PRKCH: variants seen among roughly 807,000 people sequenced by gnomAD.
PRKCH encodes protein kinase C eta type.
In PRKCH, 28 loss-of-function variants were observed where a neutral mutation model predicts 82.5. The ratio of observed to expected loss-of-function variants is 0.34; its 90% CI spans 0.25 to 0.47. The LOEUF (loss-of-function observed/expected upper bound fraction) is 0.47. PRKCH is among the 20% of genes least tolerant of loss of function. The probability of loss-of-function intolerance (pLI) is 1.00; values close to 1 mark genes in which losing one functional copy is unlikely to be tolerated. For missense variants in PRKCH, 705 were observed against 881.8 expected (o/e 0.80, Z 2.54); for synonymous variants, 322 against 327.4 (o/e 0.98, Z 0.18).
chr14:61,491,657 T>C (rs982150991), intron 10 of PRKCH, among the ~76,000 whole-genome samples: 2 of 152,210 alleles, frequency 1.3e-5, no homozygotes, highest in African/African-American at 4.8e-5. Context: ...TCCAGCTTCT[T>C]AGAGTAGCTC....
intron 1 of PRKCH, chr14:61,326,998 G>C (rs2045705929): frequency 2.2e-6 from 1 of 454,624 alleles, no homozygotes; most frequent in Non-Finnish European, 4.4e-6. Flanking sequence ...GCTTAATGCA[G>C]AGTGCTGGGG....
At chr14:61,292,787 A>AC (rs2045375359) in intron 1 of PRKCH, among the ~76,000 whole-genome samples, 1 of 151,212 alleles carries the variant, frequency 6.6e-6, no homozygotes, top group Non-Finnish European at 1.5e-5. Context: ...AAAAAAAAAA[A>AC]AAAAAGCACC....
chr14:61,467,833 C>T (rs142801933), intron 9 of PRKCH, among the ~76,000 whole-genome samples: 1 of 152,294 alleles, frequency 6.6e-6, no homozygotes, highest in East Asian at 1.9e-4. Context: ...CATTGGCATT[C>T]CGTAAATATC....
chr14:61,268,452 G>T (rs2045123635), intron 1 of PRKCH, among the ~76,000 whole-genome samples: 1 of 152,116 alleles, frequency 6.6e-6, no homozygotes, highest in Admixed American at 6.6e-5. Context: ...GATCACCTGA[G>T]ATCAGGAGTT....
intron 1 of PRKCH, among the ~76,000 whole-genome samples, chr14:61,266,992 A>C (rs773233510): frequency 5.8e-4 from 88 of 152,234 alleles, no homozygotes; most frequent in Middle Eastern, 3.4e-3. Flanking sequence ...CCAAGTCTAA[A>C]TAGACTGGGA....
At chr14:61,257,324 A>G (rs1202985922) in intron 1 of PRKCH, among the ~76,000 whole-genome samples, 5 of 152,188 alleles carry the variant, frequency 3.3e-5, no homozygotes, top group Non-Finnish European at 7.3e-5. Flanking sequence ...CGGCGAGGTC[A>G]GAGGTCAGGG....
intron 1 of PRKCH, among the ~76,000 whole-genome samples, chr14:61,189,166 CCG>C (rs1322436229): frequency 6.6e-6 from 1 of 152,244 alleles, no homozygotes; most frequent in Non-Finnish European, 1.5e-5. Flanking sequence ...CCCGCGAGGC[CCG>C]GGCAGCGTCC....
intron 1 of PRKCH, among the ~76,000 whole-genome samples, chr14:61,227,711 C>T (rs2044708426): frequency 1.3e-5 from 2 of 151,962 alleles, no homozygotes; most frequent in African/African-American, 2.4e-5. Context: ...AAAGTAATCG[C>T]GGTTTTTGCC....
intron 2 of PRKCH, among the ~76,000 whole-genome samples, chr14:61,398,519 T>G (rs1472040260): frequency 6.6e-6 from 1 of 152,206 alleles, no homozygotes; most frequent in Non-Finnish European, 1.5e-5. Flanking sequence ...GAAGTTTGCT[T>G]GGACTCAGGG....
chr14:61,221,666 TC>T (rs1379625360), intron 1 of PRKCH, among the ~76,000 whole-genome samples: 1 of 152,084 alleles, frequency 6.6e-6, no homozygotes, highest in African/African-American at 2.4e-5. Context: ...TTAGAGAATC[TC>T]CCTAGCCCAT....
chr14:61,355,387 A>C (rs1167040804), intron 1 of PRKCH, among the ~76,000 whole-genome samples: 1 of 150,380 alleles, frequency 6.6e-6, no homozygotes, highest in African/African-American at 2.5e-5. Context: ...TCCTGGTCTT[A>C]TCTGATAGCT....
At chr14:61,203,551 TG>T (rs1284931768) in intron 1 of PRKCH, among the ~76,000 whole-genome samples, 2 of 152,142 alleles carry the variant, frequency 1.3e-5, no homozygotes, top group Non-Finnish European at 2.9e-5. Flanking sequence ...TCCTGCTTCC[TG>T]GAAAAAATCA....
chr14:61,434,881 A>T (rs1191712071), intron 2 of PRKCH, among the ~76,000 whole-genome samples: 2 of 152,188 alleles, frequency 1.3e-5, no homozygotes, highest in Non-Finnish European at 2.9e-5. Flanking sequence ...TTTTAAAAGC[A>T]TATATGGCAG....
intron 2 of PRKCH, among the ~76,000 whole-genome samples, chr14:61,423,708 C>T (rs1275777653): frequency 6.6e-6 from 1 of 152,010 alleles, no homozygotes; most frequent in Admixed American, 6.5e-5. Flanking sequence ...AGTGCTGGTT[C>T]AGGATTGGGA....
intron 1 of PRKCH, among the ~76,000 whole-genome samples, chr14:61,254,211 G>A (rs754595844): frequency 3.9e-5 from 6 of 151,986 alleles, no homozygotes; most frequent in Non-Finnish European, 7.4e-5. Context: ...ATCCCAGAAT[G>A]GCCTTAGAAG....
At chr14:61,513,740 CAAAT>C (rs1412982761) in intron 10 of PRKCH, among the ~76,000 whole-genome samples, 1 of 152,024 alleles carries the variant, frequency 6.6e-6, no homozygotes, top group East Asian at 1.9e-4. Flanking sequence ...GTCATACTGT[CAAAT>C]AGTTTCGAAA....
intron 10 of PRKCH, among the ~76,000 whole-genome samples, chr14:61,521,643 C>G (rs1198469522): frequency 1.3e-5 from 2 of 151,878 alleles, no homozygotes; most frequent in African/African-American, 4.8e-5. Context: ...TCATGGCTCA[C>G]TGCAGCCTTG....
chr14:61,211,312 C>T (rs2044578491), intron 1 of PRKCH, among the ~76,000 whole-genome samples: 1 of 152,212 alleles, frequency 6.6e-6, no homozygotes, highest in South Asian at 2.1e-4. Context: ...CTACGCCAAC[C>T]TTCGGAGCCT....
chr14:61,413,613 T>G (rs908573601), intron 2 of PRKCH, among the ~76,000 whole-genome samples: 1 of 152,120 alleles, frequency 6.6e-6, no homozygotes, highest in African/African-American at 2.4e-5. Context: ...CCTCACGAAC[T>G]TTGCTTCCCT....
Sources: allele counts gnomAD v4.1 joint callset (sites outside exome capture counted in the v4.1 genomes callset), GRCh38; gene constraint gnomAD v4.1.1; transcripts MANE v1.5; gene names NCBI Gene and HGNC (gene_info 2026-07-23, HGNC 2026-07-21).